The following IL10RA variants were observed in gnomAD, a reference collection of about 807,000 sequenced individuals.
The protein encoded by IL10RA is interleukin 10 receptor subunit alpha, also known as interleukin-10 receptor subunit alpha.
In IL10RA, 18 loss-of-function variants were observed where a neutral mutation model predicts 29.6. That is an observed-to-expected ratio of 0.61 (90% CI 0.42 to 0.90). IL10RA has a LOEUF of 0.90. Among genes scored for constraint, IL10RA ranks in the 40% least tolerant of loss-of-function variants. The pLI is 0.00. For missense variants in IL10RA, 634 were observed against 716.6 expected, an observed-to-expected ratio of 0.88 and a Z score of 1.32; for synonymous variants, 292 against 294.1, an observed-to-expected ratio of 0.99 and a Z score of 0.07.
At chr11:117,992,575 T>C (rs1226204451) in intron 3 of IL10RA, among the ~76,000 whole-genome samples, 1 of 152,234 alleles carries the variant, frequency 6.6e-6, no homozygotes, top group East Asian at 1.9e-4. Context: ...TATGAGTTCC[T>C]TGTATATTTT....
chr11:117,998,359 A>G (rs548144158), intron 6 of IL10RA, among the ~76,000 whole-genome samples: 12 of 152,328 alleles, frequency 7.9e-5, no homozygotes, highest in Non-Finnish European at 1.6e-4. Flanking sequence ...ATTTTGAGTC[A>G]TAGTCAAAAA....
At chr11:117,996,474 G>T (rs4252280) in intron 6 of IL10RA, among the ~76,000 whole-genome samples, 4,105 of 152,332 alleles carry the variant, frequency 0.027, 183 homozygotes, top group African/African-American at 0.094. Context: ...AGTTCAGGCC[G>T]CATTGAAGAT....
chr11:117,987,010 C>T (rs2057990923), intron 1 of IL10RA: 1 of 439,694 alleles, frequency 2.3e-6, no homozygotes, highest in Non-Finnish European at 4.3e-6. Context: ...ACCTGTAGCC[C>T]CCAACTCACT....
chr11:117,991,945 G>C (rs972133995), intron 3 of IL10RA, among the ~76,000 whole-genome samples: 1 of 152,138 alleles, frequency 6.6e-6, no homozygotes, highest in African/African-American at 2.4e-5. Flanking sequence ...ATGTTGGCCA[G>C]GCTGGTCTCG....
chr11:118,002,585 G>A (rs2058102659), downstream of IL10RA: 1 of 152,276 alleles, frequency 6.6e-6, no homozygotes, highest in African/African-American at 2.4e-5. Context: ...TTACATTCAA[G>A]GAACTGCAGC....
chr11:117,990,932 C>T (rs1034730584), intron 3 of IL10RA, among the ~76,000 whole-genome samples: 1 of 151,946 alleles, frequency 6.6e-6, no homozygotes, highest in Non-Finnish European at 1.5e-5. Context: ...CTCGGTGGCT[C>T]ACGGCTGTAA....
chr11:117,996,803 G>A (rs188901110), intron 6 of IL10RA, among the ~76,000 whole-genome samples: 3 of 152,234 alleles, frequency 2.0e-5, no homozygotes, highest in Non-Finnish European at 4.4e-5. Flanking sequence ...GGCTGGTCTC[G>A]AACTCCTGAC....
rs1565375241 is a variant in IL10RA, at chr11:118,001,010, C to T, written c.*1369C>T. The T allele has an allele frequency of 2.2e-6, 1 of 454,250 alleles. No individual in the cohort carries two copies. Among genetic ancestry groups the T allele is most frequent in the Non-Finnish European group, 4.4e-6 (1 of 226,794 alleles). The allele number at this position is 454,250 out of a possible 1,614,324, so 28.1% of individuals were successfully genotyped here. On this transcript the variant is annotated 3_prime_UTR_variant, in exon 7 of 7. Coordinates refer to ENST00000227752, the MANE Select transcript of IL10RA (RefSeq NM_001558.4). ...GCCTGTGCGTGCCATCCAGAGTCATCTCAGCCCTGCCTTTCTCTGGAGCAT... is the reference window on the plus strand; with the variant it reads ...GCCTGTGCGTGCCATCCAGAGTCATTTCAGCCCTGCCTTTCTCTGGAGCAT...
chr11:117,990,348 C>T (rs2058013581), intron 3 of IL10RA, among the ~76,000 whole-genome samples: 1 of 92,264 alleles, frequency 1.1e-5, no homozygotes, highest in Admixed American at 1.1e-4. Context: ...CCCAGGGCAT[C>T]TGTATTTTTT....
At chr11:117,988,095 G>A in intron 1 of IL10RA, 6 of 475,842 alleles carry the variant, frequency 1.3e-5, no homozygotes, top group South Asian at 1.2e-4. Context: ...AACTTGCTTA[G>A]CCCTCGGCCC....
In IL10RA at chr11:117,993,369, G is replaced by C; in HGVS notation, c.496G>C (p.Glu166Gln). The C allele has an allele frequency of 6.2e-7, 1 of 1,614,242 alleles. No individual in the cohort carries two copies. The highest frequency in any genetic ancestry group is 8.5e-7 in the Non-Finnish European group (1 of 1,180,040). Residue 166 changes from glutamate to glutamine, a missense_variant, in exon 4 of 7, where the codon GAG becomes CAG. By Grantham distance (29) the Glu-to-Gln change is conservative. Coordinates refer to ENST00000227752, the MANE Select transcript of IL10RA (RefSeq NM_001558.4). ...TYESIFSHFR[E>Q]YEIAIRKVPG... ...TGAAAGCATCTTCAGTCACTTCCGA[G>C]AGTATGAGATTGCCATTCGCAAGGT...
At chr11:117,992,402 G>A (rs2058029215) in intron 3 of IL10RA, among the ~76,000 whole-genome samples, 1 of 152,188 alleles carries the variant, frequency 6.6e-6, no homozygotes, top group South Asian at 2.1e-4. Context: ...CAGGTGTGGA[G>A]TGGTATCTCA....
chr11:118,001,494 C>T, downstream of IL10RA: 1 of 400,032 alleles, frequency 2.5e-6, no homozygotes. Context: ...TCGTGTGAAA[C>T]TAGTCAGATT....
In IL10RA at chr11:118,000,575, G is replaced by C. The variant is rs2058089600; in HGVS notation, c.*934G>C. On this transcript the variant is annotated 3_prime_UTR_variant, in exon 7 of 7. Coordinates refer to ENST00000227752, the MANE Select transcript of IL10RA (RefSeq NM_001558.4). ...GGGTTGGAGGCCTGTGCTTGTGTTT[G>C]CTGCTAATGTCCAGCTACAGACCCA... 2 of 454,152 alleles carry C rather than the reference G, an allele frequency of 4.4e-6. No individual in the cohort carries two copies. Among genetic ancestry groups the C allele is most frequent in the Non-Finnish European group, 8.8e-6 (2 of 226,796 alleles). 28.1% of individuals were successfully genotyped at this position (454,152 alleles called of 1,614,324 possible).
At chr11:117,993,896 T>C in intron 4 of IL10RA, 103 bp from the exon 5 acceptor site, 1 of 913,762 alleles carries the variant, frequency 1.1e-6, no homozygotes, top group Non-Finnish European at 1.8e-6. Context: ...CAAAGGATAC[T>C]GAAGGGGGTT....
intron 5 of IL10RA, among the ~76,000 whole-genome samples, chr11:117,994,619 C>T (rs1025675188): frequency 2.6e-5 from 4 of 152,126 alleles, no homozygotes; most frequent in Non-Finnish European, 5.9e-5. Context: ...AGTCAGGTGC[C>T]GGGGCTGTAG....
chr11:117,986,421 G>A lies in IL10RA; in HGVS notation c.-47G>A, dbSNP rs1241550676. On this transcript the variant is annotated 5_prime_UTR_variant, in exon 1 of 7. Transcript: ENST00000227752. ...TCCCAGCCCAAGGGTAGCTGGAGGCGCGCAGGCCGGCTCCGCTCCGGCCCC... is the reference window on the plus strand; with the variant it reads ...TCCCAGCCCAAGGGTAGCTGGAGGCACGCAGGCCGGCTCCGCTCCGGCCCC... 19 of 1,531,822 alleles carry A rather than the reference G, an allele frequency of 1.2e-5. No individual in the cohort carries two copies. The highest frequency in any genetic ancestry group is 4.8e-5 in the South Asian group (4 of 83,576). The allele number at this position is 1,531,822 out of a possible 1,614,324, so 94.9% of individuals were successfully genotyped here. A position where few individuals can be genotyped will look rare whatever the true frequency, so the allele number is the denominator to read the frequency against.
chr11:117,998,373 T>C (rs1484397170), intron 6 of IL10RA, among the ~76,000 whole-genome samples: 2 of 152,238 alleles, frequency 1.3e-5, no homozygotes, highest in East Asian at 1.9e-4. Flanking sequence ...TCAAAAAAGT[T>C]TGAAACATGC....
chr11:117,999,612 C>A lies in IL10RA; in HGVS notation c.1708C>A (p.Leu570Ile). 6.2e-7 allele frequency: 1 copy of A among 1,614,148 alleles called. No homozygotes were observed. Among genetic ancestry groups the A allele is most frequent in the Non-Finnish European group, 8.5e-7 (1 of 1,180,014 alleles). ...TAACTCAGACCTGGTCACCCTGCCC[C>A]TCATCTCTAGCCTGCAGTCAAGTGA... ...SFNSDLVTLP[L>I]ISSLQSSE The change falls in exon 7 of 7, where the codon CTC (leucine) becomes ATC (isoleucine). Residue 570 changes from leucine (L) to isoleucine (I), a missense_variant. Physicochemically the swap from Leu to Ile is conservative, Grantham distance 5 (BLOSUM62 2). Coordinates refer to ENST00000227752, the MANE Select transcript of IL10RA (RefSeq NM_001558.4).
Sources: allele counts gnomAD v4.1 joint callset (sites outside exome capture counted in the v4.1 genomes callset), GRCh38; gene constraint gnomAD v4.1.1; transcripts MANE v1.5; gene names NCBI Gene and HGNC (gene_info 2026-07-23, HGNC 2026-07-21).